PSMB7: variants seen among roughly 807,000 people sequenced by gnomAD.
PSMB7 encodes proteasome 20S subunit beta 7.
A neutral mutation model predicts 28.1 loss-of-function variants in PSMB7; 5 were observed. The observed-to-expected ratio is 0.18, with a 90% CI of 0.09 to 0.37. PSMB7 has a LOEUF of 0.37. PSMB7 is among the 10% of genes least tolerant of loss of function. PSMB7 has a pLI of 1.00. For missense variants in PSMB7, 275 were observed against 346.2 expected, an observed-to-expected ratio of 0.79 and a Z score of 1.63; for synonymous variants, 122 against 123.7, an observed-to-expected ratio of 0.99 and a Z score of 0.09.
intron 5 of PSMB7, among the ~76,000 whole-genome samples, chr9:124,401,222 T>A (rs551758141): frequency 6.6e-6 from 1 of 152,240 alleles, no homozygotes; most frequent in African/African-American, 2.4e-5. Context: ...TGTTCATAAA[T>A]TATGTTCAGT....
Position 124,412,456 on chromosome 9 carries a change from C to T in PSMB7, c.291G>A (p.Met97Ile). 1 of 1,614,140 alleles carries T rather than the reference C, an allele frequency of 6.2e-7. No homozygotes were observed. The highest frequency in any genetic ancestry group is 1.1e-5 in the South Asian group (1 of 91,066). Residue 97 changes from methionine (M) to isoleucine (I), a missense_variant, in exon 4 of 8, where the codon ATG (methionine) becomes ATA (isoleucine). By Grantham distance (10) the Met-to-Ile change is conservative. Transcript: ENST00000259457. ...CGAGTAADTDMTTQLISSNLE... is the reference protein window; with the variant it reads ...CGAGTAADTDITTQLISSNLE... Reference sequence around the variant, plus strand: ...GGTTGGAAGAAATGAGCTGGGTTGTCATGTCTGTGTCTGCAGCTGTCCCAG... The same window carrying T: ...GGTTGGAAGAAATGAGCTGGGTTGTTATGTCTGTGTCTGCAGCTGTCCCAG...
intron 6 of PSMB7, among the ~76,000 whole-genome samples, chr9:124,365,923 AGAGAGAAAG>A (rs1234591133): frequency 1.3e-5 from 2 of 152,160 alleles, no homozygotes; most frequent in Non-Finnish European, 2.9e-5. Context: ...TCAAAAAACG[AGAGAGAAAG>A]GAGAGAAAGA....
intron 6 of PSMB7, among the ~76,000 whole-genome samples, chr9:124,365,367 G>A (rs1830497515): frequency 6.6e-6 from 1 of 152,208 alleles, no homozygotes; most frequent in South Asian, 2.1e-4. Context: ...TAATACAAGT[G>A]AAAGGTAGCC....
intron 6 of PSMB7, among the ~76,000 whole-genome samples, chr9:124,359,844 C>T (rs757677043): frequency 6.6e-6 from 1 of 152,176 alleles, no homozygotes; most frequent in Non-Finnish European, 1.5e-5. Context: ...CATTCTCAAC[C>T]AAGTTAGGGC....
chr9:124,378,387 A>T lies in PSMB7; in HGVS notation c.570+6211T>A, dbSNP rs114572123. 5.9e-3 allele frequency among the ~76,000 whole-genome samples: 898 copies of T among 152,304 alleles called. 11 individuals carry two copies. Among genetic ancestry groups the T allele is most frequent in the African/African-American group, 0.021 (859 of 41,560 alleles). On this transcript the variant is annotated intron_variant, in intron 6 of 7. Transcript: ENST00000259457. ...ATATGTATCAGAGAGGGGGGAAAAAAGCTGATTGTCTTTTCCAGCAGCATT... is the reference window on the plus strand; with the variant it reads ...ATATGTATCAGAGAGGGGGGAAAAATGCTGATTGTCTTTTCCAGCAGCATT...
chr9:124,396,463 C>G (rs1220188927), intron 5 of PSMB7, among the ~76,000 whole-genome samples: 1 of 152,242 alleles, frequency 6.6e-6, no homozygotes, highest in African/African-American at 2.4e-5. Flanking sequence ...GCTTACTACT[C>G]TGTCCCACAT....
At chr9:124,360,709 T>TG (rs1490719551) in intron 6 of PSMB7, among the ~76,000 whole-genome samples, 1 of 152,192 alleles carries the variant, frequency 6.6e-6, no homozygotes, top group African/African-American at 2.4e-5. Context: ...CAAGGAGACA[T>TG]GGAGGCAGAC....
At chr9:124,384,553 C>G (rs955748298) in intron 6 of PSMB7, 45 bp downstream of exon 6, 2 of 1,560,478 alleles carry the variant, frequency 1.3e-6, no homozygotes, top group African/African-American at 2.8e-5. Flanking sequence ...AAGATAAAAC[C>G]AGAAAAATCT....
Position 124,394,578 on chromosome 9 carries a change from A to C in PSMB7, c.512-9922T>G, listed in dbSNP as rs571803233. Among the ~76,000 whole-genome samples the C allele has an allele frequency of 1.2e-3, 176 of 152,332 alleles. 2 individuals are homozygous for C. Among genetic ancestry groups the C allele is most frequent in the African/African-American group, 3.9e-3 (161 of 41,572 alleles). On this transcript the variant is annotated intron_variant, in intron 5 of 7. Transcript: ENST00000259457. ...AGACTTTGTGGTAAAATGTCAGAGC[A>C]GGGAAAAAAGGAGGAAGAGCACCCA...
intron 4 of PSMB7, among the ~76,000 whole-genome samples, chr9:124,409,708 C>G (rs1831007800): frequency 6.6e-6 from 1 of 152,170 alleles, no homozygotes; most frequent in African/African-American, 2.4e-5. Context: ...TATTCCTGTC[C>G]TCCTCAAAAG....
At chr9:124,406,066 C>T (rs537403910) in intron 4 of PSMB7, among the ~76,000 whole-genome samples, 4 of 152,138 alleles carry the variant, frequency 2.6e-5, no homozygotes, top group South Asian at 2.1e-4. Flanking sequence ...AGAACTTGCC[C>T]GGTCTCAGAA....
chr9:124,410,144 G>A (rs900802745), intron 4 of PSMB7, among the ~76,000 whole-genome samples: 4 of 151,190 alleles, frequency 2.6e-5, no homozygotes, highest in South Asian at 2.1e-4. Context: ...ACAGGCGCCC[G>A]CCACCACGCC....
At chr9:124,409,185 A>C (rs1477757906) in intron 4 of PSMB7, among the ~76,000 whole-genome samples, 1 of 152,202 alleles carries the variant, frequency 6.6e-6, no homozygotes, top group African/African-American at 2.4e-5. Flanking sequence ...AGAGGAAGGG[A>C]AGAACTTAAG....
At chr9:124,361,814 A>G (rs575721328) in intron 6 of PSMB7, among the ~76,000 whole-genome samples, 1 of 152,358 alleles carries the variant, frequency 6.6e-6, no homozygotes, top group African/African-American at 2.4e-5. Flanking sequence ...CTGATAGATT[A>G]CCTCGGCATC....
intron 5 of PSMB7, among the ~76,000 whole-genome samples, chr9:124,403,050 G>A (rs73666885): frequency 0.015 from 2,337 of 152,174 alleles, 67 homozygotes; most frequent in African/African-American, 0.053. Flanking sequence ...CCTAGATGTG[G>A]AGCCAAGACA....
chr9:124,403,415 C>T (rs1830931281), intron 5 of PSMB7, among the ~76,000 whole-genome samples: 4 of 152,038 alleles, frequency 2.6e-5, no homozygotes, highest in African/African-American at 9.7e-5. Flanking sequence ...GTCACAGCTA[C>T]TCAGGAGGCT....
Position 124,353,529 on chromosome 9 carries a change from A to G in PSMB7, c.*69T>C. 8.7e-7 allele frequency: 1 copy of G among 1,143,812 alleles called. No homozygotes were observed. Among genetic ancestry groups the G allele is most frequent in the Admixed American group, 1.8e-5 (1 of 56,776 alleles). The allele number at this position is 1,143,812 out of a possible 1,614,324, so 70.9% of individuals were successfully genotyped here. A position where few individuals can be genotyped will look rare whatever the true frequency, so the allele number is the denominator to read the frequency against. On this transcript the variant is annotated 3_prime_UTR_variant, in exon 8 of 8. Coordinates refer to ENST00000259457, the MANE Select transcript of PSMB7 (RefSeq NM_002799.4). The stretch of plus-strand genomic sequence containing the variant: ...GTTTCATTCGGCAAACACTAGCCAC[A>G]TGAGTGTCTTACTGGGCCTCAATGC...
chr9:124,402,856 A>T (rs1052838013), intron 5 of PSMB7, among the ~76,000 whole-genome samples: 1 of 152,248 alleles, frequency 6.6e-6, no homozygotes, highest in African/African-American at 2.4e-5. Context: ...TAAAATTACC[A>T]TAAGTATCTT....
At chr9:124,414,800 T>G in intron 2 of PSMB7, 42 bp downstream of exon 2, 1 of 1,537,866 alleles carries the variant, frequency 6.5e-7, no homozygotes. Flanking sequence ...TGATTCCTGT[T>G]GCCGGTTCAG....
Sources: gnomAD v4.1 joint callset for allele counts (sites outside exome capture counted in the v4.1 genomes callset) on GRCh38, gnomAD v4.1.1 for gene constraint, MANE v1.5 for transcripts, NCBI Gene and HGNC (gene_info 2026-07-23, HGNC 2026-07-21) for gene names.